STAG1: variants seen among roughly 807,000 people sequenced by gnomAD.
STAG1 encodes the protein STAG1 cohesin complex component.
STAG1 carries 26 observed loss-of-function variants against 170.9 expected under a neutral mutation model. That is an observed-to-expected ratio of 0.15 (90% CI 0.11 to 0.21). The LOEUF (loss-of-function observed/expected upper bound fraction) is 0.21. Ranked by LOEUF, STAG1 falls within the 10% of genes least tolerant of loss-of-function variation. STAG1 has a pLI of 1.00. For synonymous variants in STAG1, 514 were observed against 497.7 expected, an observed-to-expected ratio of 1.03 and a Z score of -0.44; for missense variants, 964 against 1,509.5, an observed-to-expected ratio of 0.64 and a Z score of 5.99.
chr3:136,556,441 C>T (rs892710720), intron 5 of STAG1, among the ~76,000 whole-genome samples: 2 of 152,152 alleles, frequency 1.3e-5, no homozygotes, highest in African/African-American at 2.4e-5. Context: ...TGAAAGAATG[C>T]TTCCCACGAC....
chr3:136,560,995 T>G (rs1385315115), intron 5 of STAG1, among the ~76,000 whole-genome samples: 2 of 152,156 alleles, frequency 1.3e-5, no homozygotes, highest in African/African-American at 4.8e-5. Flanking sequence ...CAGGTCAATT[T>G]TTAAAACACT....
intron 7 of STAG1, among the ~76,000 whole-genome samples, chr3:136,520,315 T>C (rs1193135734): frequency 6.6e-6 from 1 of 152,046 alleles, no homozygotes; most frequent in Non-Finnish European, 1.5e-5. Context: ...ATTAGATAAA[T>C]GAGAAATTAA....
chr3:136,657,106 A>G (rs532994728), intron 1 of STAG1, among the ~76,000 whole-genome samples: 1 of 151,358 alleles, frequency 6.6e-6, no homozygotes, highest in Non-Finnish European at 1.5e-5. Context: ...TGCTTATGAT[A>G]TGCAATACTT....
chr3:136,347,092 AAAAAG>A (rs1211518711), intron 29 of STAG1, among the ~76,000 whole-genome samples: 4 of 150,428 alleles, frequency 2.7e-5, no homozygotes, highest in African/African-American at 4.9e-5. Context: ...AAAAAAAAAA[AAAAAG>A]AAAAGAAAAA....
At chr3:136,749,430 T>C (rs1029321238) in intron 1 of STAG1, among the ~76,000 whole-genome samples, 5 of 152,152 alleles carry the variant, frequency 3.3e-5, no homozygotes, top group Admixed American at 2.0e-4. Flanking sequence ...AGGAAATTAA[T>C]TGTGCCAACA....
chr3:136,346,754 T>C (rs189158828), intron 29 of STAG1, among the ~76,000 whole-genome samples: 96 of 152,352 alleles, frequency 6.3e-4, no homozygotes, highest in African/African-American at 2.3e-3. Flanking sequence ...TGTTAAAACA[T>C]ATTCCTAGTA....
In STAG1 at chr3:136,409,126, G is replaced by A. The variant is rs1041292808; in HGVS notation, c.2196+8759C>T. Among the ~76,000 whole-genome samples, 7 of 152,088 alleles carry A rather than the reference G, an allele frequency of 4.6e-5. No homozygotes were observed. The East Asian group carries it at 5.8e-4, about 13-fold the overall frequency. On this transcript the variant is annotated intron_variant, in intron 21 of 33. Transcript: ENST00000383202. ...TTAAAAATATAAAAATTGGCTTGCC[G>A]TGGTGGCGGGCACTGTAGTTCCAGC... is the stretch of plus-strand genomic sequence containing the variant.
intron 4 of STAG1, among the ~76,000 whole-genome samples, chr3:136,571,151 T>C (rs1937254227): frequency 6.6e-6 from 1 of 152,156 alleles, no homozygotes. Context: ...GGTCCAGTAA[T>C]ATAAAGGCAG....
chr3:136,563,509 G>GACAC (rs574379695), intron 5 of STAG1, among the ~76,000 whole-genome samples: 1 of 150,358 alleles, frequency 6.7e-6, no homozygotes, highest in Non-Finnish European at 1.5e-5. Flanking sequence ...TAAACTTTCC[G>GACAC]ACACACACAC....
chr3:136,527,593 T>C (rs547962969), intron 6 of STAG1, among the ~76,000 whole-genome samples: 2 of 152,326 alleles, frequency 1.3e-5, no homozygotes, highest in African/African-American at 4.8e-5. Flanking sequence ...TCTCAACTTG[T>C]CATTCTCCCT....
intron 14 of STAG1, among the ~76,000 whole-genome samples, chr3:136,451,619 T>A (rs529787199): frequency 2.6e-5 from 4 of 152,086 alleles, no homozygotes; most frequent in African/African-American, 7.2e-5. Context: ...AAAAATTAGC[T>A]GGGCGTGGTA....
At chr3:136,725,046 G>C (rs540380019) in intron 1 of STAG1, among the ~76,000 whole-genome samples, 1 of 152,270 alleles carries the variant, frequency 6.6e-6, no homozygotes, top group East Asian at 1.9e-4. Flanking sequence ...AACTAGAAAG[G>C]TTCCAAATGG....
intron 11 of STAG1, 85 bp downstream of exon 11, chr3:136,473,454 G>C (rs2089673477): frequency 1.0e-6 from 1 of 1,002,510 alleles, no homozygotes; most frequent in African/African-American, 1.6e-5. Context: ...CTAAACACTT[G>C]TATGATAATG....
intron 1 of STAG1, among the ~76,000 whole-genome samples, chr3:136,663,588 T>C (rs543060560): frequency 1.3e-5 from 2 of 152,244 alleles, no homozygotes; most frequent in South Asian, 2.1e-4. Flanking sequence ...TGGCTCCTCA[T>C]GTAGATATAG....
intron 1 of STAG1, among the ~76,000 whole-genome samples, chr3:136,636,825 G>A (rs1043202597): frequency 1.9e-4 from 29 of 152,114 alleles, no homozygotes; most frequent in Admixed American, 1.8e-3. Flanking sequence ...GCTCAGAATC[G>A]CAGGTGGCCA....
At chr3:136,603,418 A>T (rs1375054290) in intron 4 of STAG1, among the ~76,000 whole-genome samples, 1 of 66,124 alleles carries the variant, frequency 1.5e-5, no homozygotes, top group Non-Finnish European at 3.4e-5. Context: ...CTAGCATTTT[A>T]AAATGTTAAA....
Position 136,571,302 on chromosome 3 carries a change from C to T in STAG1, c.298-2441G>A, listed in dbSNP as rs1395542010. The stretch of plus-strand genomic sequence containing the variant: ...TAACACTTTGGTCTGAGCGTGGTGG[C>T]GCACACCTGAAATCTCAGCACTTTG... On this transcript the variant is annotated intron_variant, in intron 4 of 33. Coordinates refer to ENST00000383202, the MANE Select transcript of STAG1 (RefSeq NM_005862.3). Among the ~76,000 whole-genome samples the T allele has an allele frequency of 4.6e-5, 7 of 152,136 alleles. No individual in the cohort carries two copies. In the South Asian group the frequency reaches 6.2e-4, roughly 14 times the overall value.
At chr3:136,398,569 C>T (rs2108340886) in intron 22 of STAG1, among the ~76,000 whole-genome samples, 180 bp downstream of exon 22, 1 of 151,514 alleles carries the variant, frequency 6.6e-6, no homozygotes, top group Non-Finnish European at 1.5e-5. Context: ...TTGGCTCTTC[C>T]CAAAGAGGTA....
intron 1 of STAG1, among the ~76,000 whole-genome samples, chr3:136,709,635 T>G (rs1943330453): frequency 6.6e-6 from 1 of 151,738 alleles, no homozygotes; most frequent in Admixed American, 6.6e-5. Flanking sequence ...CTAGGGAGAC[T>G]GAGGTAGGAA....
Sources: gnomAD v4.1 joint callset for allele counts (sites outside exome capture counted in the v4.1 genomes callset) on GRCh38, gnomAD v4.1.1 for gene constraint, MANE v1.5 for transcripts, NCBI Gene and HGNC (gene_info 2026-07-23, HGNC 2026-07-21) for gene names.